Variants in RBFOX1 observed in about 807,000 individuals in gnomAD.
The protein encoded by RBFOX1 is RNA binding protein fox-1 homolog 1.
RBFOX1 carries 8 observed loss-of-function variants against 57.7 expected under a neutral mutation model. The ratio of observed to expected loss-of-function variants is 0.14; its 90% CI spans 0.08 to 0.25. The LOEUF (loss-of-function observed/expected upper bound fraction) is 0.25. Ranked by LOEUF, RBFOX1 falls within the 10% of genes least tolerant of loss-of-function variation. The pLI is 1.00. For missense variants in RBFOX1, 611 were observed against 548.5 expected (o/e 1.11, Z -1.14); for synonymous variants, 326 against 222.4 (o/e 1.47, Z -4.15).
chr16:7,548,568 C>G (rs1362899932), intron 5 of RBFOX1, among the ~76,000 whole-genome samples: 2 of 152,214 alleles, frequency 1.3e-5, no homozygotes, highest in Non-Finnish European at 2.9e-5. Flanking sequence ...GAGCTGTGAA[C>G]CAATGCAAGG....
chr16:6,036,330 G>A (rs1227997766), intron 1 of RBFOX1, among the ~76,000 whole-genome samples: 2 of 152,092 alleles, frequency 1.3e-5, no homozygotes, highest in East Asian at 1.9e-4. Context: ...AGGCAACACA[G>A]GTTTCAGAGT....
chr16:5,848,405 G>C (rs570847381), intron 3 of RBFOX1, among the ~76,000 whole-genome samples: 8 of 152,116 alleles, frequency 5.3e-5, no homozygotes, highest in Non-Finnish European at 1.0e-4. Context: ...CAGGGGTTCA[G>C]CACAACATCT....
chr16:6,062,276 T>C (rs1258127663), intron 1 of RBFOX1, among the ~76,000 whole-genome samples: 1 of 143,694 alleles, frequency 7.0e-6, no homozygotes, highest in Admixed American at 6.8e-5. Flanking sequence ...CCATTGGTGA[T>C]CAACTCCATC....
intron 1 of RBFOX1, among the ~76,000 whole-genome samples, chr16:6,109,195 C>G (rs555966102): frequency 6.6e-6 from 1 of 152,058 alleles, no homozygotes; most frequent in Admixed American, 6.6e-5. Context: ...AGCTCATTGC[C>G]CCCTTTCCCC....
chr16:5,665,923 G>T (rs188571537), intron 3 of RBFOX1, among the ~76,000 whole-genome samples: 1 of 152,360 alleles, frequency 6.6e-6, no homozygotes, highest in Non-Finnish European at 1.5e-5. Context: ...AGCTGTTGTT[G>T]GCACGCCTGC....
chr16:7,145,079 C>T (rs925158433), intron 4 of RBFOX1, among the ~76,000 whole-genome samples: 1 of 152,318 alleles, frequency 6.6e-6, no homozygotes, highest in Admixed American at 6.5e-5. Context: ...GGTACCAATC[C>T]TAGCTTGACA....
intron 4 of RBFOX1, among the ~76,000 whole-genome samples, chr16:7,192,850 A>T (rs1054739502): frequency 1.3e-5 from 2 of 152,224 alleles, no homozygotes; most frequent in African/African-American, 4.8e-5. Context: ...CTAATACGGA[A>T]GATGAAGTCC....
At chr16:6,792,700 A>G (rs2083202177) in intron 3 of RBFOX1, among the ~76,000 whole-genome samples, 1 of 152,020 alleles carries the variant, frequency 6.6e-6, no homozygotes, top group Non-Finnish European at 1.5e-5. Flanking sequence ...CTGACATTCT[A>G]AAGAATTCAA....
chr16:6,859,752 G>C (rs2058677692), intron 3 of RBFOX1, among the ~76,000 whole-genome samples: 2 of 152,254 alleles, frequency 1.3e-5, no homozygotes, highest in African/African-American at 4.8e-5. Context: ...GACAATAGCA[G>C]ACATGTTAAT....
intron 1 of RBFOX1, among the ~76,000 whole-genome samples, chr16:6,297,175 C>T (rs1233343327): frequency 6.6e-6 from 1 of 152,114 alleles, no homozygotes; most frequent in Admixed American, 6.5e-5. Context: ...TAGGTTTTGG[C>T]CGGCTTTCTT....
At chr16:6,328,436 T>A (rs982281597) in intron 2 of RBFOX1, among the ~76,000 whole-genome samples, 3 of 151,994 alleles carry the variant, frequency 2.0e-5, no homozygotes, top group Admixed American at 1.3e-4. Context: ...ATGGTAATAA[T>A]TTTTTTTAAT....
chr16:5,882,813 G>A (rs2057796123), intron 4 of RBFOX1, among the ~76,000 whole-genome samples: 1 of 152,156 alleles, frequency 6.6e-6, no homozygotes. Context: ...TCATGCTGTG[G>A]AGATTTGGAC....
chr16:7,417,820 C>T (rs914973792), intron 4 of RBFOX1, among the ~76,000 whole-genome samples: 1 of 152,164 alleles, frequency 6.6e-6, no homozygotes, highest in Non-Finnish European at 1.5e-5. Flanking sequence ...CAGAATTAGT[C>T]CTCACACAGA....
At chr16:5,404,348 G>C (rs996640711) in intron 1 of RBFOX1, among the ~76,000 whole-genome samples, 1 of 152,124 alleles carries the variant, frequency 6.6e-6, no homozygotes, top group Admixed American at 6.5e-5. Flanking sequence ...TATCGAATTA[G>C]CAGGAGTCCC....
chr16:5,443,829 G>A (rs558547694), intron 1 of RBFOX1, among the ~76,000 whole-genome samples: 1 of 152,228 alleles, frequency 6.6e-6, no homozygotes, highest in African/African-American at 2.4e-5. Context: ...TTAGAAGAAT[G>A]GTCACCTATT....
chr16:5,877,372 GGATGAACA>G (rs1244627000), intron 4 of RBFOX1, among the ~76,000 whole-genome samples: 29 of 152,210 alleles, frequency 1.9e-4, no homozygotes, highest in African/African-American at 7.0e-4. Flanking sequence ...ATACACTGAT[GGATGAACA>G]GACGCTTTTA....
At chr16:5,862,394 T>G (rs17713842) in intron 3 of RBFOX1, among the ~76,000 whole-genome samples, 24,824 of 152,090 alleles carry the variant, frequency 0.16, 2,545 homozygotes, top group Non-Finnish European at 0.23. Flanking sequence ...GGGGTGTGAT[T>G]ATTCAGTCTT....
At chr16:5,558,642 C>T (rs17138055) in intron 2 of RBFOX1, among the ~76,000 whole-genome samples, 5,226 of 152,220 alleles carry the variant, frequency 0.034, 304 homozygotes, top group African/African-American at 0.12. Context: ...TAGTTTCAGT[C>T]TTGAGCAAGC....
intron 1 of RBFOX1, among the ~76,000 whole-genome samples, chr16:6,308,000 T>A (rs2079743865): frequency 6.7e-6 from 1 of 150,044 alleles, no homozygotes. Flanking sequence ...TAGGTTGTTA[T>A]TTACATATTT....
Sources: allele counts gnomAD v4.1 joint callset (sites outside exome capture counted in the v4.1 genomes callset), GRCh38; gene constraint gnomAD v4.1.1; transcripts MANE v1.5; gene names NCBI Gene and HGNC (gene_info 2026-07-23, HGNC 2026-07-21).